CSMD2: variants seen among roughly 807,000 people sequenced by gnomAD.
CSMD2 encodes CUB and sushi domain-containing protein 2.
CSMD2 carries 130 observed loss-of-function variants against 398.5 expected under a neutral mutation model. That is an observed-to-expected ratio of 0.33 (90% CI 0.28 to 0.38). The LOEUF (loss-of-function observed/expected upper bound fraction) is 0.38, where lower values mean the gene tolerates loss of function less well. CSMD2 is among the 10% of genes least tolerant of loss of function. The pLI is 1.00. For synonymous variants in CSMD2, 1,828 were observed against 1,908.5 expected (o/e 0.96, Z 1.10); for missense variants, 3,829 against 4,764.9 (o/e 0.80, Z 5.78).
chr1:33,808,092 T>C (rs975875655), intron 10 of CSMD2, among the ~76,000 whole-genome samples: 2 of 152,114 alleles, frequency 1.3e-5, no homozygotes, highest in African/African-American at 2.4e-5. Flanking sequence ...AGTTTTAACT[T>C]TGATGCTCTA....
intron 6 of CSMD2, 127 bp from the exon 7 acceptor site, chr1:33,825,901 G>C (rs1658753443): frequency 4.2e-6 from 3 of 708,292 alleles, no homozygotes; most frequent in Non-Finnish European, 7.1e-6. Context: ...GGAACTTCTG[G>C]GCTGGGACAT....
At chr1:33,876,664 A>G (rs758702433) in intron 5 of CSMD2, among the ~76,000 whole-genome samples, 6 of 152,198 alleles carry the variant, frequency 3.9e-5, no homozygotes, top group Admixed American at 2.0e-4. Context: ...ATCAAGTAGC[A>G]GAACTCAGGC....
chr1:33,525,034 T>A lies in CSMD2; in HGVS notation c.10244A>T (p.Asp3415Val). Residue 3415 changes from aspartate to valine, a missense_variant, in exon 66 of 71, where the codon GAT (aspartate) becomes GTT (valine). Asp to Val is a radical substitution (Grantham distance 152). Around this residue, in one of 5 missense-constraint regions of CSMD2, gnomAD observed 917 missense variants for 1,199.5 expected, o/e 0.76. Transcript: ENST00000373381. Reference protein sequence around the residue: ...PPLTQALIPGDVFAKNSLWKG... With the variant: ...PPLTQALIPGVVFAKNSLWKG... ...CCACAGGGAATTCTTGGCAAAAACA[T>A]CCCCAGGAACTAGAGGAATTGAGAA... is the stretch of plus-strand genomic sequence containing the variant. 1.9e-6 allele frequency: 3 copies of A among 1,614,114 alleles called. No individual in the cohort carries two copies. Among genetic ancestry groups the A allele is most frequent in the Non-Finnish European group, 2.5e-6 (3 of 1,180,006 alleles).
At chr1:33,978,636 G>A (rs1646054105) in intron 3 of CSMD2, among the ~76,000 whole-genome samples, 1 of 152,112 alleles carries the variant, frequency 6.6e-6, no homozygotes, top group South Asian at 2.1e-4. Flanking sequence ...TAGGTGGAGA[G>A]AACAGCAGAT....
rs570839984 is a variant in CSMD2, at chr1:33,585,741, G to A, written c.7051+763C>T. On this transcript the variant is annotated intron_variant, in intron 46 of 70. Transcript: ENST00000373381. ...TACTCTTGCTTTCCCAGAAGTGGGG[G>A]AAAGGCTGACCTGTTTCCCCATAGG... Among the ~76,000 whole-genome samples, 21 of 152,334 alleles carry A rather than the reference G, an allele frequency of 1.4e-4. No individual in the cohort carries two copies. In the East Asian group the frequency reaches 3.1e-3, roughly 22 times the overall value.
chr1:33,824,559 C>T (rs1171180984), intron 7 of CSMD2, among the ~76,000 whole-genome samples: 2 of 152,180 alleles, frequency 1.3e-5, no homozygotes, highest in Admixed American at 1.3e-4. Flanking sequence ...GTTCTCCCGG[C>T]CACACACATC....
At chr1:33,793,725 T>G (rs1382520539) in intron 10 of CSMD2, among the ~76,000 whole-genome samples, 2 of 147,214 alleles carry the variant, frequency 1.4e-5, no homozygotes, top group Non-Finnish European at 3.0e-5. Context: ...TTTTTGGTAG[T>G]GCAGGTGAAC....
chr1:33,914,385 A>AGTGT lies in CSMD2; in HGVS notation c.920+3705_920+3708dup, dbSNP rs72433922. Among the ~76,000 whole-genome samples the AGTGT allele has an allele frequency of 4.6e-3, 643 of 139,802 alleles. 7 individuals carry two copies. Among genetic ancestry groups the AGTGT allele is most frequent in the African/African-American group, 0.013 (462 of 36,370 alleles). The allele number at this position is 139,802 out of a possible 152,430, so 91.7% of individuals were successfully genotyped here. A position where few individuals can be genotyped will look rare whatever the true frequency, so the allele number is the denominator to read the frequency against. On this transcript the variant is annotated intron_variant, in intron 5 of 70. Coordinates refer to ENST00000373381, the MANE Select transcript of CSMD2 (RefSeq NM_001281956.2). Reference sequence around the variant, plus strand: ...AGGTATGTGTCAGAGACGATTTGGCAGTGTGTGTGTGTGTGTGTGTGTGTG... The same window carrying AGTGT: ...AGGTATGTGTCAGAGACGATTTGGCAGTGTGTGTGTGTGTGTGTGTGTGTGTGTG...
chr1:33,644,877 G>C (rs138030880), intron 29 of CSMD2, among the ~76,000 whole-genome samples: 1 of 152,198 alleles, frequency 6.6e-6, no homozygotes, highest in East Asian at 1.9e-4. Flanking sequence ...AAGAAAGGAT[G>C]GCAGAATATC....
At chr1:34,096,362 G>C (rs1339095572) in intron 1 of CSMD2, among the ~76,000 whole-genome samples, 1 of 152,048 alleles carries the variant, frequency 6.6e-6, no homozygotes, top group Non-Finnish European at 1.5e-5. Flanking sequence ...AGACAGGGAT[G>C]CCCTCTCTCA....
intron 44 of CSMD2, among the ~76,000 whole-genome samples, chr1:33,594,450 T>C (rs1431428433): frequency 3.9e-5 from 6 of 152,230 alleles, no homozygotes; most frequent in Admixed American, 2.6e-4. Flanking sequence ...TGGATTCTTG[T>C]AGATTTCCCC....
chr1:33,892,305 TA>T (rs145815982), intron 5 of CSMD2, among the ~76,000 whole-genome samples: 5,881 of 152,016 alleles, frequency 0.039, 343 homozygotes, highest in African/African-American at 0.13. Flanking sequence ...ATTTTAATCT[TA>T]AAAAAAATTA....
At position 33,519,247 on chromosome 1, in the gene CSMD2, C is replaced by G. The variant is rs150605914; in HGVS notation, c.*53+218G>C. Among the ~76,000 whole-genome samples the G allele has an allele frequency of 4.9e-3, 751 of 152,332 alleles. 2 individuals are homozygous for G. Among genetic ancestry groups the G allele is most frequent in the Admixed American group, 8.0e-3 (122 of 15,300 alleles). ...GTTTTCTCATCTGTAATGGGGCTCC[C>G]ACAAGCTTCTACCTCACAGGGCGTG... On this transcript the variant is annotated intron_variant, in intron 70 of 70. Coordinates refer to ENST00000373381, the MANE Select transcript of CSMD2 (RefSeq NM_001281956.2). This position sits in a 1 kb window ranked among gnomAD's most constrained non-coding sequence, Gnocchi z 5.6.
At chr1:33,745,361 T>C (rs1168785629) in intron 13 of CSMD2, among the ~76,000 whole-genome samples, 2 of 152,196 alleles carry the variant, frequency 1.3e-5, no homozygotes, top group East Asian at 1.9e-4. Flanking sequence ...TTTTAATATA[T>C]ACAAGCATAA....
At chr1:34,077,273 CGGTGAA>C (rs1558343613) in intron 2 of CSMD2, among the ~76,000 whole-genome samples, 5 of 151,010 alleles carry the variant, frequency 3.3e-5, no homozygotes, top group Non-Finnish European at 7.4e-5. Flanking sequence ...TTGGCTAACA[CGGTGAA>C]TCCCCGTCTC....
chr1:34,010,426 T>G (rs1647211868), intron 3 of CSMD2, among the ~76,000 whole-genome samples: 1 of 152,190 alleles, frequency 6.6e-6, no homozygotes, highest in Admixed American at 6.5e-5. Flanking sequence ...CATTCTCCTG[T>G]TATGTCCTTT....
chr1:33,709,290 AC>A (rs1382675378), intron 21 of CSMD2, 32 bp from the exon 22 acceptor site: 2 of 1,590,000 alleles, frequency 1.3e-6, no homozygotes, highest in Non-Finnish European at 1.7e-6. Context: ...CCATAGATTA[AC>A]CCCCATCAGC....
chr1:33,909,758 G>A (rs1295255192), intron 5 of CSMD2, among the ~76,000 whole-genome samples: 2 of 152,162 alleles, frequency 1.3e-5, no homozygotes, highest in Admixed American at 6.5e-5. Context: ...AAGCTTTCAG[G>A]TGTAGCTGTT....
intron 3 of CSMD2, among the ~76,000 whole-genome samples, chr1:34,029,489 T>C (rs1487938043): frequency 6.6e-6 from 1 of 152,192 alleles, no homozygotes; most frequent in Admixed American, 6.5e-5. Flanking sequence ...ACCCTACTCA[T>C]GCCTCCCACC....
Sources: gnomAD v4.1 joint callset for allele counts (sites outside exome capture counted in the v4.1 genomes callset) on GRCh38, gnomAD v4.1.1 for gene constraint, gnomAD v4.1.1 regional missense constraint, Gnocchi (gnomAD v3.1) non-coding constraint, MANE v1.5 for transcripts, NCBI Gene and HGNC (gene_info 2026-07-23, HGNC 2026-07-21) for gene names.